Variants in JAZF1 observed in about 807,000 individuals in gnomAD.
JAZF1 encodes JAZF zinc finger 1.
A neutral mutation model predicts 26.4 loss-of-function variants in JAZF1; 8 were observed. That is an observed-to-expected ratio of 0.30 (90% CI 0.18 to 0.55). The LOEUF is 0.55. JAZF1 is among the 20% of genes least tolerant of loss of function. The probability of loss-of-function intolerance (pLI) is 0.94; values close to 1 mark genes in which losing one functional copy is unlikely to be tolerated. For synonymous variants in JAZF1, 126 were observed against 122.3 expected (o/e 1.03, Z -0.20); for missense variants, 199 against 322.0 (o/e 0.62, Z 2.92).
At chr7:28,162,167 A>C (rs1783302777) in intron 1 of JAZF1, among the ~76,000 whole-genome samples, 1 of 152,226 alleles carries the variant, frequency 6.6e-6, no homozygotes. Flanking sequence ...TGTCTACCCA[A>C]ATCAGGCCTT....
chr7:27,958,581 A>G (rs1201772790), intron 2 of JAZF1, among the ~76,000 whole-genome samples: 3 of 152,104 alleles, frequency 2.0e-5, no homozygotes, highest in East Asian at 1.9e-4. Flanking sequence ...AGCTCACCCA[A>G]AGCATCCTTG....
intron 1 of JAZF1, among the ~76,000 whole-genome samples, chr7:27,997,756 TA>T (rs1008416186): frequency 1.3e-5 from 2 of 151,258 alleles, no homozygotes; most frequent in African/African-American, 4.9e-5. Context: ...TTTTTTTTTT[TA>T]GAGTTGGGGT....
chr7:27,916,562 G>A (rs1002578733), intron 2 of JAZF1, among the ~76,000 whole-genome samples: 23 of 152,284 alleles, frequency 1.5e-4, no homozygotes, highest in African/African-American at 4.1e-4. Flanking sequence ...TATGACTCAT[G>A]CTGGTGTAAA....
At chr7:27,853,217 C>G (rs11973028) in intron 3 of JAZF1, among the ~76,000 whole-genome samples, 1 of 151,962 alleles carries the variant, frequency 6.6e-6, no homozygotes, top group Admixed American at 6.6e-5. Flanking sequence ...CTTTCTGCAC[C>G]TTCCCTCCTC....
intron 1 of JAZF1, among the ~76,000 whole-genome samples, chr7:28,168,322 C>T (rs1225156627): frequency 7.2e-6 from 1 of 139,362 alleles, no homozygotes; most frequent in Non-Finnish European, 1.5e-5. Flanking sequence ...GTGGAGTTTG[C>T]AGTGAGCTGC....
intron 2 of JAZF1, among the ~76,000 whole-genome samples, chr7:27,954,972 G>C (rs1434116442): frequency 6.6e-6 from 1 of 152,124 alleles, no homozygotes; most frequent in Non-Finnish European, 1.5e-5. Context: ...TGGTCAAGCT[G>C]GTCTCGTACT....
intron 1 of JAZF1, among the ~76,000 whole-genome samples, chr7:28,067,371 T>C (rs1783901158): frequency 6.6e-6 from 1 of 152,190 alleles, no homozygotes; most frequent in South Asian, 2.1e-4. Flanking sequence ...CATTGACAAA[T>C]GCTGTTGTGC....
intron 2 of JAZF1, among the ~76,000 whole-genome samples, chr7:27,928,758 A>G (rs1166111820): frequency 6.6e-6 from 1 of 152,192 alleles, no homozygotes; most frequent in Non-Finnish European, 1.5e-5. Context: ...GGACACATAC[A>G]GGGGAATAAC....
chr7:27,836,968 C>G (rs1782825444), intron 4 of JAZF1, among the ~76,000 whole-genome samples: 1 of 149,696 alleles, frequency 6.7e-6, no homozygotes, highest in Admixed American at 6.6e-5. Flanking sequence ...CACACACTCT[C>G]TCTCTCAATA....
chr7:28,022,757 TTTG>T (rs1783027672), intron 1 of JAZF1, among the ~76,000 whole-genome samples: 3 of 152,122 alleles, frequency 2.0e-5, no homozygotes, highest in Admixed American at 1.3e-4. Flanking sequence ...TGTTGTTGTT[TTTG>T]TTGTTGTTTG....
intron 1 of JAZF1, among the ~76,000 whole-genome samples, chr7:28,034,417 G>C (rs1457019404): frequency 1.4e-5 from 2 of 147,434 alleles, no homozygotes; most frequent in Admixed American, 1.4e-4. Context: ...TTGTTATTTT[G>C]AGGCAGTCTT....
chr7:28,020,627 T>C (rs892185939), intron 1 of JAZF1: 1 of 471,242 alleles, frequency 2.1e-6, no homozygotes, highest in Non-Finnish European at 4.4e-6. Flanking sequence ...TTCAAAAGCA[T>C]CAAACGTTTT....
At chr7:27,994,775 C>A (rs915487345) in intron 1 of JAZF1, among the ~76,000 whole-genome samples, 7 of 152,122 alleles carry the variant, frequency 4.6e-5, no homozygotes, top group East Asian at 1.9e-4. Context: ...TGCTTCCTGG[C>A]GGGCTGGTGT....
rs185424958 is a variant in JAZF1, at chr7:28,118,977, G to A, written c.115+61486C>T. Among the ~76,000 whole-genome samples, 15 of 152,324 alleles carry A rather than the reference G, an allele frequency of 9.8e-5. No homozygotes were observed. In the East Asian group the frequency reaches 2.5e-3, roughly 25 times the overall value. On this transcript the variant is annotated intron_variant, in intron 1 of 4. Transcript: ENST00000283928. ...AATAAATAAAGGCAATGCTGGGGAA[G>A]AGAGCAGGGAGAATCCCTTGGAATG...
At position 28,180,536 on chromosome 7, in the gene JAZF1, G is replaced by A. The variant is rs200272199; in HGVS notation, c.42C>T (p.Cys14=). 6.2e-7 allele frequency: 1 copy of A among 1,610,676 alleles called. No homozygotes were observed. The highest frequency in any genetic ancestry group is 1.3e-5 in the African/African-American group (1 of 74,200). ...IAAASFFSNT[C]RFGGCGLHFP... is the part of the protein sequence containing the mutation. ...AGTGGAGTCCGCAGCCCCCGAATCG[G>A]CAGGTATTGGAGAAGAAGGAGGCGG... Residue 14 remains cysteine, a synonymous_variant, in exon 1 of 5, where the codon TGC becomes TGT. Coordinates refer to ENST00000283928, the MANE Select transcript of JAZF1 (RefSeq NM_175061.4).
intron 3 of JAZF1, chr7:27,842,884 T>C (rs1163563179): frequency 6.6e-6 from 1 of 152,080 alleles, no homozygotes; most frequent in Non-Finnish European, 1.5e-5. Flanking sequence ...CCATGAAACA[T>C]TTAGAATGGG....
In JAZF1 at chr7:27,996,097, G is replaced by A. The variant is rs1195731093; in HGVS notation, c.116-4116C>T. ...CGGTTCTGAAGAATTGCCTTTTGCA[G>A]TGCTCTTGTCAAGTCTAAACGAAAA... On this transcript the variant is annotated intron_variant, in intron 1 of 4. Transcript: ENST00000283928. 2.0e-5 allele frequency among the ~76,000 whole-genome samples: 3 copies of A among 152,238 alleles called. No homozygotes were observed. In the East Asian group the frequency reaches 5.8e-4, roughly 29 times the overall value.
chr7:28,110,308 C>T (rs1338680681), intron 1 of JAZF1, among the ~76,000 whole-genome samples: 1 of 151,710 alleles, frequency 6.6e-6, no homozygotes, highest in African/African-American at 2.4e-5. Context: ...TGCCTGTAAT[C>T]TCAGTTACTT....
chr7:27,871,642 CA>C (rs575703137), intron 3 of JAZF1, among the ~76,000 whole-genome samples: 2 of 152,288 alleles, frequency 1.3e-5, no homozygotes, highest in South Asian at 2.1e-4. Flanking sequence ...CAAACTGCTT[CA>C]GGGGCAAAAT....
Sources: allele counts gnomAD v4.1 joint callset (sites outside exome capture counted in the v4.1 genomes callset), GRCh38; gene constraint gnomAD v4.1.1; transcripts MANE v1.5; gene names NCBI Gene and HGNC (gene_info 2026-07-23, HGNC 2026-07-21).